STX5: variants seen among roughly 807,000 people sequenced by gnomAD.
STX5 encodes the protein syntaxin 5, also known as syntaxin-5.
Under a neutral mutation model 42.9 loss-of-function variants are expected in STX5, and 15 were observed. The ratio of observed to expected loss-of-function variants is 0.35; its 90% CI spans 0.23 to 0.54. The LOEUF is 0.54. Among genes scored for constraint, STX5 ranks in the 20% least tolerant of loss-of-function variants. The pLI, the probability that STX5 is intolerant of heterozygous loss-of-function variation, is 0.91. For missense variants in STX5, 430 were observed against 455.0 expected, an observed-to-expected ratio of 0.95 and a Z score of 0.50; for synonymous variants, 184 against 173.2, an observed-to-expected ratio of 1.06 and a Z score of -0.49.
Position 62,824,156 on chromosome 11 carries a change from T to C in STX5, c.908+10A>G, listed in dbSNP as rs946101547. ...AGCTCCTCTGTTTGGGGCGAGAGAGTGTATCTCACCTCTGAATGGTTTCCT... is the reference window on the plus strand; with the variant it reads ...AGCTCCTCTGTTTGGGGCGAGAGAGCGTATCTCACCTCTGAATGGTTTCCT... On this transcript the variant is annotated intron_variant, in intron 10 of 10. Coordinates refer to ENST00000294179, the MANE Select transcript of STX5 (RefSeq NM_003164.5). 11 of 1,613,806 alleles carry C rather than the reference T, an allele frequency of 6.8e-6. No individual in the cohort carries two copies. Among genetic ancestry groups the C allele is most frequent in the East Asian group, 4.5e-5 (2 of 44,880 alleles).
intron 2 of STX5, chr11:62,830,563 A>G (rs1411463798): frequency 8.7e-6 from 4 of 458,666 alleles, no homozygotes; most frequent in Non-Finnish European, 1.7e-5. Context: ...CAAAACAAAA[A>G]CAACAAATTA....
intron 10 of STX5, among the ~76,000 whole-genome samples, chr11:62,817,466 C>T (rs1265451978): frequency 6.6e-6 from 1 of 151,916 alleles, no homozygotes; most frequent in African/African-American, 2.4e-5. Context: ...TAACTGCCTG[C>T]GAAAACAAAA....
chr11:62,812,122 G>T (rs1237031798), intron 10 of STX5, among the ~76,000 whole-genome samples: 1 of 133,550 alleles, frequency 7.5e-6, no homozygotes, highest in Non-Finnish European at 1.5e-5. Flanking sequence ...TTGTTGCCCA[G>T]GCTGGAGTGC....
rs747566315 is a variant in STX5 at position 62,807,466 on chromosome 11, G to T, written c.*3C>A. The T allele has an allele frequency of 3.7e-6, 6 of 1,613,322 alleles. No individual in the cohort carries two copies. Among genetic ancestry groups the T allele is most frequent in the Non-Finnish European group, 4.2e-6 (5 of 1,179,834 alleles). On this transcript the variant is annotated 3_prime_UTR_variant, in exon 11 of 11. Transcript: ENST00000294179. ...CAACAGAGTGCCTCAGAGTAGAGAG[G>T]GTTCAAGCAAGGAAGACCACAAAGA... is the stretch of plus-strand genomic sequence containing the variant.
At chr11:62,821,293 C>T (rs575273042) in intron 10 of STX5, among the ~76,000 whole-genome samples, 6 of 151,844 alleles carry the variant, frequency 4.0e-5, no homozygotes, top group South Asian at 2.1e-4. Flanking sequence ...GGCAACAGAG[C>T]GAAACTCCAT....
chr11:62,816,825 G>A (rs1415745145), intron 10 of STX5, among the ~76,000 whole-genome samples: 4 of 150,962 alleles, frequency 2.6e-5, no homozygotes, highest in African/African-American at 9.7e-5. Context: ...AACCTGGGAG[G>A]CGAAGGTTGC....
At position 62,825,334 on chromosome 11, in the gene STX5, T is replaced by C; in HGVS notation, c.546A>G (p.Lys182=). 5 of 1,614,180 alleles carry C rather than the reference T, an allele frequency of 3.1e-6. No individual in the cohort carries two copies. Among genetic ancestry groups the C allele is most frequent in the Non-Finnish European group, 4.2e-6 (5 of 1,180,038 alleles). Residue 182 remains lysine, a synonymous_variant, in exon 7 of 11, where the codon AAA becomes AAG. Transcript: ENST00000294179. ...TGAAGTCATTGGACATAGAAGCCAG[T>C]TTCGACTAGAAGAAAAGGAGAGAGG... is the stretch of plus-strand genomic sequence containing the variant. ...SNTIVVSLQS[K]LASMSNDFKS...
intron 1 of STX5, 51 bp downstream of exon 1, chr11:62,831,903 C>G (rs2084874187): frequency 2.2e-6 from 1 of 457,494 alleles, no homozygotes; most frequent in African/African-American, 2.0e-5. Flanking sequence ...CGTAAAACCA[C>G]TGCCCCAGAG....
chr11:62,825,165 G>T (rs1344486803), intron 7 of STX5, 48 bp from the exon 8 acceptor site: 1 of 1,611,558 alleles, frequency 6.2e-7, no homozygotes, highest in Non-Finnish European at 8.5e-7. Context: ...TAGAAAGCAG[G>T]CATGTTAAAG....
intron 10 of STX5, among the ~76,000 whole-genome samples, chr11:62,811,736 C>G (rs2134810303): frequency 6.6e-6 from 1 of 151,766 alleles, no homozygotes; most frequent in East Asian, 1.9e-4. Flanking sequence ...AGTAATCTGC[C>G]TCGGCCTCCC....
intron 10 of STX5, among the ~76,000 whole-genome samples, chr11:62,820,599 G>A (rs903964740): frequency 2.7e-5 from 4 of 148,404 alleles, no homozygotes; most frequent in East Asian, 2.1e-4. Flanking sequence ...TCACTGCTCC[G>A]CCTCCTGGGT....
intron 10 of STX5, among the ~76,000 whole-genome samples, chr11:62,814,866 T>C (rs77940410): frequency 0.072 from 11,014 of 152,154 alleles, 434 homozygotes; most frequent in East Asian, 0.14. Context: ...AGTGCTGGGA[T>C]TACAGGTGTG....
chr11:62,823,943 G>A (rs2084765989), intron 10 of STX5: 2 of 602,812 alleles, frequency 3.3e-6, no homozygotes, highest in Admixed American at 6.1e-5. Context: ...AGACTTTACT[G>A]TTCTACTTGC....
At chr11:62,809,673 C>CAAAAAAAAAAAAAAAAAAAAAAAAAAA (rs749188946) in intron 10 of STX5, among the ~76,000 whole-genome samples, 1 of 19,188 alleles carries the variant, frequency 5.2e-5, no homozygotes, top group Non-Finnish European at 1.1e-4. Context: ...GACTCTGTCT[C>CAAAAAAAAAAAAAAAAAAAAAAAAAAA]AAAAAAAAAA....
At chr11:62,827,058 AG>A (rs1161850013) in intron 5 of STX5, 96 bp downstream of exon 5, 2 of 1,191,246 alleles carry the variant, frequency 1.7e-6, no homozygotes, top group African/African-American at 3.0e-5. Context: ...CTCTAAAAAA[AG>A]AAACTTGCTC....
chr11:62,809,182 G>C (rs966385126), intron 10 of STX5, among the ~76,000 whole-genome samples: 1 of 151,554 alleles, frequency 6.6e-6, no homozygotes, highest in Non-Finnish European at 1.5e-5. Flanking sequence ...CGGCTATTCG[G>C]GAGGCTGAGG....
chr11:62,828,618 C>T (rs1296162100), intron 2 of STX5, among the ~76,000 whole-genome samples: 1 of 152,008 alleles, frequency 6.6e-6, no homozygotes, highest in African/African-American at 2.4e-5. Context: ...CCCAGCTACT[C>T]AGCAGGCTGA....
intron 2 of STX5, among the ~76,000 whole-genome samples, chr11:62,829,750 G>A (rs774367017): frequency 1.3e-5 from 2 of 151,804 alleles, no homozygotes; most frequent in Non-Finnish European, 2.9e-5. Flanking sequence ...TGGTGACAGA[G>A]TGAGACCATG....
chr11:62,825,529 C>A lies in STX5; in HGVS notation c.434G>T (p.Ser145Ile), dbSNP rs1402223966. Residue 145 changes from serine to isoleucine, a missense_variant, in exon 6 of 11, where the codon AGC becomes ATC. Physicochemically the swap from Ser to Ile is moderately radical, Grantham distance 142. Transcript: ENST00000294179. ...GAGCTGAGCAATTTGTTTGTTGAGG[C>A]TATTGATGTCCTGGTAAAAGAGTCC... ...LTYIIKQDIN[S>I]LNKQIAQLQD... 8.1e-6 allele frequency: 13 copies of A among 1,613,406 alleles called. No individual in the cohort carries two copies. The highest frequency in any genetic ancestry group is 1.1e-5 in the Non-Finnish European group (13 of 1,180,032).
Sources: allele counts gnomAD v4.1 joint callset (sites outside exome capture counted in the v4.1 genomes callset), GRCh38; gene constraint gnomAD v4.1.1; transcripts MANE v1.5; gene names NCBI Gene and HGNC (gene_info 2026-07-23, HGNC 2026-07-21).